PKD1L1: variants seen among roughly 807,000 people sequenced by gnomAD.
PKD1L1 encodes the protein polycystin 1 like 1, transient receptor potential channel interacting, also known as polycystin-1-like protein 1.
Under a neutral mutation model 323.4 loss-of-function variants are expected in PKD1L1, and 236 were observed. The ratio of observed to expected loss-of-function variants is 0.73; its 90% CI spans 0.66 to 0.81. The LOEUF is 0.81. Among genes scored for constraint, PKD1L1 ranks in the 40% least tolerant of loss-of-function variants. PKD1L1 has a pLI of 0.00. For synonymous variants in PKD1L1, 1,344 were observed against 1,335.0 expected, an observed-to-expected ratio of 1.01 and a Z score of -0.15; for missense variants, 3,320 against 3,508.0, an observed-to-expected ratio of 0.95 and a Z score of 1.35.
chr7:47,809,605 A>G (rs751047833), intron 50 of PKD1L1, 28 bp from the exon 51 acceptor site: 36 of 1,481,584 alleles, frequency 2.4e-5, no homozygotes, highest in Non-Finnish European at 3.3e-5. Context: ...AACAAACAAG[A>G]TCAATAGGAA....
chr7:47,891,266 G>A (rs1330136357), intron 15 of PKD1L1, among the ~76,000 whole-genome samples: 3 of 152,286 alleles, frequency 2.0e-5, no homozygotes, highest in Non-Finnish European at 2.9e-5. Flanking sequence ...ATGGACTTCA[G>A]GCATCTCTCC....
intron 56 of PKD1L1, among the ~76,000 whole-genome samples, chr7:47,781,470 G>A (rs534664047): frequency 8.3e-5 from 12 of 145,260 alleles, no homozygotes; most frequent in Non-Finnish European, 1.2e-4. Context: ...GTGCAGTGGC[G>A]TGATCTTGGC....
chr7:47,836,110 A>C (rs1785451748), intron 37 of PKD1L1, among the ~76,000 whole-genome samples: 1 of 152,146 alleles, frequency 6.6e-6, no homozygotes, highest in South Asian at 2.1e-4. Flanking sequence ...CCTTCCTGCT[A>C]CTTGATGATA....
At chr7:47,939,508 G>A (rs143284641) in intron 3 of PKD1L1, among the ~76,000 whole-genome samples, 1 of 152,100 alleles carries the variant, frequency 6.6e-6, no homozygotes, top group South Asian at 2.1e-4. Flanking sequence ...CTCTTCTCTC[G>A]GACCCCACCC....
chr7:47,904,671 G>T (rs1787162643), intron 11 of PKD1L1, 54 bp from the exon 12 acceptor site: 1 of 1,572,202 alleles, frequency 6.4e-7, no homozygotes, highest in South Asian at 1.2e-5. Context: ...CAAGAACAGG[G>T]TCAGGTCTAG....
chr7:47,882,267 C>T (rs1027926044), intron 19 of PKD1L1, among the ~76,000 whole-genome samples, 182 bp from the exon 20 acceptor site: 22 of 150,794 alleles, frequency 1.5e-4, no homozygotes, highest in African/African-American at 4.1e-4. Context: ...ATGTAATTAG[C>T]GGTCCAAAGG....
chr7:47,804,292 T>C (rs1193229699), intron 52 of PKD1L1, among the ~76,000 whole-genome samples: 4 of 152,062 alleles, frequency 2.6e-5, no homozygotes, highest in Admixed American at 1.3e-4. Context: ...CCAAGAAAAA[T>C]GCAATGCAAG....
intron 56 of PKD1L1, 126 bp from the exon 57 acceptor site, chr7:47,775,292 G>A (rs1786543088): frequency 3.0e-6 from 3 of 998,958 alleles, no homozygotes; most frequent in South Asian, 3.4e-5. Context: ...ACTTGACCAA[G>A]GTGACATTTA....
rs939905 is a variant in PKD1L1 at position 47,932,390 on chromosome 7, T to C, written c.399-334A>G. ...TACAAAACATGCTCTGTCTTCCCTG[T>C]GGGGCCTGGACTTGACTGGAACATA... On this transcript the variant is annotated intron_variant, in intron 4 of 56. Coordinates refer to ENST00000289672, the MANE Select transcript of PKD1L1 (RefSeq NM_138295.5). Among the ~76,000 whole-genome samples, 80,036 of 152,108 alleles carry C rather than the reference T, an allele frequency of 0.53. 21,144 individuals are homozygous for C. Among genetic ancestry groups the C allele is most frequent in the African/African-American group, 0.55 (22,860 of 41,482 alleles).
At chr7:47,948,587 A>G, upstream of PKD1L1, 2 of 684,558 alleles carry the variant, frequency 2.9e-6, no homozygotes, top group Middle Eastern at 2.7e-4. Context: ...AGAGGGAAAA[A>G]TCCAAACTCC....
At chr7:47,927,303 G>T in intron 7 of PKD1L1, among the ~76,000 whole-genome samples, 1 of 151,206 alleles carries the variant, frequency 6.6e-6, no homozygotes, top group South Asian at 2.1e-4. Context: ...TTTTGAGATG[G>T]AGTCTTGCCC....
intron 46 of PKD1L1, chr7:47,819,528 G>C (rs778189032): frequency 1.5e-6 from 2 of 1,358,112 alleles, no homozygotes; most frequent in Non-Finnish European, 9.8e-7. Context: ...GGCACAGGCT[G>C]TGCACTTGCA....
At chr7:47,797,472 G>T (rs1448497183) in intron 54 of PKD1L1, among the ~76,000 whole-genome samples, 1 of 152,186 alleles carries the variant, frequency 6.6e-6, no homozygotes, top group Non-Finnish European at 1.5e-5. Context: ...GCCTGAAAGG[G>T]TAGGCCATTG....
chr7:47,902,626 T>A, intron 12 of PKD1L1, 115 bp from the exon 13 acceptor site: 1 of 1,274,874 alleles, frequency 7.8e-7, no homozygotes, highest in Non-Finnish European at 1.1e-6. Context: ...CAGCAAGTCA[T>A]CCCATGAATA....
At position 47,830,666 on chromosome 7, in the gene PKD1L1, G is replaced by A. The variant is rs371120084; in HGVS notation, c.6474-542C>T. ...CTACAGTTGAGGAGAGGGGAGAGAC[G>A]GGAAGAAAGGGCCTTGGCTTTGAGG... On this transcript the variant is annotated intron_variant, in intron 42 of 56. Coordinates refer to ENST00000289672, the MANE Select transcript of PKD1L1 (RefSeq NM_138295.5). Among the ~76,000 whole-genome samples, 16 of 152,292 alleles carry A rather than the reference G, an allele frequency of 1.1e-4. No homozygotes were observed. In the East Asian group the frequency reaches 1.5e-3, roughly 15 times the overall value.
At chr7:47,854,841 G>A (rs766806099) in intron 30 of PKD1L1, 41 bp downstream of exon 30, 27 of 1,597,908 alleles carry the variant, frequency 1.7e-5, no homozygotes, top group Non-Finnish European at 2.0e-5. Flanking sequence ...AGGACAATAT[G>A]TCTTACTCCA....
chr7:47,897,943 C>T, intron 14 of PKD1L1, 45 bp downstream of exon 14: 1 of 1,463,184 alleles, frequency 6.8e-7, no homozygotes. Context: ...CGATGAGAAG[C>T]ATGGGTTTCA....
chr7:47,886,762 C>A (rs1221386845), intron 17 of PKD1L1, among the ~76,000 whole-genome samples: 1 of 152,158 alleles, frequency 6.6e-6, no homozygotes, highest in Non-Finnish European at 1.5e-5. Context: ...GTACAGTCTG[C>A]AGAACCATAA....
At chr7:47,812,746 A>C (rs1170747300) in intron 49 of PKD1L1, among the ~76,000 whole-genome samples, 2 of 152,208 alleles carry the variant, frequency 1.3e-5, no homozygotes, top group Non-Finnish European at 2.9e-5. Flanking sequence ...CCTCACCCTC[A>C]GGACATGGGA....
Sources: gnomAD v4.1 joint callset for allele counts (sites outside exome capture counted in the v4.1 genomes callset) on GRCh38, gnomAD v4.1.1 for gene constraint, MANE v1.5 for transcripts, NCBI Gene and HGNC (gene_info 2026-07-23, HGNC 2026-07-21) for gene names.